CDH18: variants seen among roughly 807,000 people sequenced by gnomAD.
The protein encoded by CDH18 is cadherin-18.
Under a neutral mutation model 67.9 loss-of-function variants are expected in CDH18, and 31 were observed. The ratio of observed to expected loss-of-function variants is 0.46; its 90% confidence interval spans 0.34 to 0.62. CDH18 has a LOEUF of 0.62. CDH18 is among the 20% of genes least tolerant of loss of function. The pLI, the probability that CDH18 is intolerant of heterozygous loss-of-function variation, is 0.01. For missense variants in CDH18, 890 were observed against 975.5 expected (o/e 0.91, Z 1.17); for synonymous variants, 362 against 347.2 (o/e 1.04, Z -0.48).
intron 2 of CDH18, among the ~76,000 whole-genome samples, chr5:19,938,685 T>C (rs918484527): frequency 1.3e-5 from 2 of 151,492 alleles, no homozygotes; most frequent in Admixed American, 6.6e-5. Context: ...TCTTGGTATT[T>C]TTAGATGATG....
chr5:19,835,589 T>C (rs1781536958), intron 3 of CDH18, among the ~76,000 whole-genome samples: 1 of 152,112 alleles, frequency 6.6e-6, no homozygotes, highest in African/African-American at 2.4e-5. Flanking sequence ...CAAGTTAAAA[T>C]AATGGCACAG....
intron 2 of CDH18, among the ~76,000 whole-genome samples, chr5:20,022,602 A>G (rs1738526196): frequency 6.6e-6 from 1 of 152,184 alleles, no homozygotes; most frequent in African/African-American, 2.4e-5. Context: ...ATTTCTAAAT[A>G]TTTTATATAC....
chr5:19,480,186 A>C (rs949925397), intron 12 of CDH18, among the ~76,000 whole-genome samples: 5 of 152,086 alleles, frequency 3.3e-5, no homozygotes, highest in African/African-American at 1.2e-4. Context: ...TCTATTCTCT[A>C]TGACTTCAGT....
At chr5:19,893,037 G>A (rs1788941987) in intron 2 of CDH18, among the ~76,000 whole-genome samples, 1 of 152,098 alleles carries the variant, frequency 6.6e-6, no homozygotes, top group Non-Finnish European at 1.5e-5. Context: ...TGAGAGATGG[G>A]AAATTTGGGA....
chr5:20,537,234 G>A (rs1297929389), intron 1 of CDH18, among the ~76,000 whole-genome samples: 2 of 152,070 alleles, frequency 1.3e-5, no homozygotes, highest in Non-Finnish European at 1.5e-5. Flanking sequence ...TGGGAATAAG[G>A]TAATGAGAAG....
intron 9 of CDH18, 118 bp from the exon 10 acceptor site, chr5:19,520,896 T>C (rs1746798304): frequency 5.5e-6 from 6 of 1,082,066 alleles, no homozygotes; most frequent in Non-Finnish European, 7.9e-6. Flanking sequence ...AGCTGGACTT[T>C]TGGCAAACGA....
chr5:19,735,237 T>C (rs1768145697), intron 4 of CDH18, among the ~76,000 whole-genome samples: 1 of 152,102 alleles, frequency 6.6e-6, no homozygotes, highest in Non-Finnish European at 1.5e-5. Context: ...TGTCAATTGG[T>C]CTCAGTGGTT....
intron 2 of CDH18, among the ~76,000 whole-genome samples, chr5:20,159,989 C>T (rs891959364): frequency 6.6e-6 from 1 of 152,004 alleles, no homozygotes; most frequent in African/African-American, 2.4e-5. Context: ...AATAAACACA[C>T]ACAAAAAAAT....
intron 2 of CDH18, among the ~76,000 whole-genome samples, chr5:20,166,216 G>A (rs1452050875): frequency 7.9e-5 from 12 of 151,868 alleles, no homozygotes; most frequent in Non-Finnish European, 4.4e-5. Flanking sequence ...CAAGGCTGGC[G>A]GATCACCTGA....
chr5:19,577,085 G>A (rs1017589880), intron 7 of CDH18, among the ~76,000 whole-genome samples: 3 of 152,126 alleles, frequency 2.0e-5, no homozygotes, highest in East Asian at 3.9e-4. Context: ...CAGAGGCTGG[G>A]AATAGAGAGG....
At chr5:20,066,691 C>T (rs1743007561) in intron 2 of CDH18, among the ~76,000 whole-genome samples, 1 of 151,538 alleles carries the variant, frequency 6.6e-6, no homozygotes, top group Admixed American at 6.6e-5. Flanking sequence ...TTAAAAGCCA[C>T]AGTAAGAAAA....
chr5:20,405,849 T>C (rs142078720), intron 1 of CDH18, among the ~76,000 whole-genome samples: 82,875 of 151,590 alleles, frequency 0.55, 23,023 homozygotes, highest in Middle Eastern at 0.61. Context: ...TCATCACTGG[T>C]CATCAGAGAA....
intron 11 of CDH18, among the ~76,000 whole-genome samples, chr5:19,501,921 C>T (rs953130198): frequency 1.3e-5 from 2 of 152,120 alleles, no homozygotes; most frequent in Non-Finnish European, 2.9e-5. Context: ...CAGTTAAATG[C>T]AATTTGTCAT....
chr5:19,542,062 G>A (rs1750371338), intron 9 of CDH18, among the ~76,000 whole-genome samples: 1 of 152,122 alleles, frequency 6.6e-6, no homozygotes, highest in Non-Finnish European at 1.5e-5. Flanking sequence ...AGTAATTAGT[G>A]AAAGGTTACT....
intron 5 of CDH18, among the ~76,000 whole-genome samples, chr5:19,685,538 A>C (rs1201997734): frequency 6.6e-6 from 1 of 152,094 alleles, no homozygotes; most frequent in Non-Finnish European, 1.5e-5. Context: ...GATGTGTGGG[A>C]AAATATTAGT....
At chr5:20,505,887 C>A (rs373592927) in intron 1 of CDH18, among the ~76,000 whole-genome samples, 19 of 152,176 alleles carry the variant, frequency 1.2e-4, no homozygotes, top group Non-Finnish European at 2.2e-4. Context: ...TACACTCCCC[C>A]ACGAGAAAGA....
intron 2 of CDH18, among the ~76,000 whole-genome samples, chr5:20,162,875 A>C (rs1735998988): frequency 6.6e-6 from 1 of 152,018 alleles, no homozygotes; most frequent in Non-Finnish European, 1.5e-5. Flanking sequence ...CTTGGCCAGC[A>C]TGACGAAATC....
At chr5:19,646,900 T>C (rs557570275) in intron 5 of CDH18, among the ~76,000 whole-genome samples, 159 of 152,210 alleles carry the variant, frequency 1.0e-3, no homozygotes, top group African/African-American at 3.7e-3. Flanking sequence ...TGGATGAGGA[T>C]AAGGTGGAGA....
At chr5:19,573,284 C>CT (rs538332321) in intron 7 of CDH18, among the ~76,000 whole-genome samples, 1,460 of 145,668 alleles carry the variant, frequency 0.01, 9 homozygotes, top group South Asian at 0.027. Flanking sequence ...GTTGCATACT[C>CT]TTTTTTTTTT....
Sources: gnomAD v4.1 joint callset for allele counts (sites outside exome capture counted in the v4.1 genomes callset) on GRCh38, gnomAD v4.1.1 for gene constraint, MANE v1.5 for transcripts, NCBI Gene and HGNC (gene_info 2026-07-23, HGNC 2026-07-21) for gene names.